The following PTPRD variants were observed in gnomAD, a reference collection of about 807,000 sequenced individuals.
PTPRD encodes protein tyrosine phosphatase receptor type D, also known as receptor-type tyrosine-protein phosphatase delta.
Under a neutral mutation model 214.5 loss-of-function variants are expected in PTPRD, and 34 were observed. The observed-to-expected ratio is 0.16, with a 90% CI of 0.12 to 0.21. The LOEUF is 0.21. Among genes scored for constraint, PTPRD ranks in the 10% least tolerant of loss-of-function variants. The pLI is 1.00. For missense variants in PTPRD, 2,545 were observed against 2,398.7 expected, an observed-to-expected ratio of 1.06 and a Z score of -1.27; for synonymous variants, 1,128 against 845.7, an observed-to-expected ratio of 1.33 and a Z score of -5.79.
At chr9:9,950,843 C>G (rs528111667) in intron 4 of PTPRD, among the ~76,000 whole-genome samples, 18 of 151,592 alleles carry the variant, frequency 1.2e-4, no homozygotes, top group Non-Finnish European at 2.4e-4. Flanking sequence ...TTTTCCTTCC[C>G]TCATTCCTAT....
intron 8 of PTPRD, among the ~76,000 whole-genome samples, chr9:9,464,808 G>A (rs542748804): frequency 1.1e-4 from 17 of 152,000 alleles, no homozygotes; most frequent in African/African-American, 3.9e-4. Flanking sequence ...AGTGTTTTGT[G>A]TCCTTTCTTA....
In PTPRD at chr9:9,024,334, C is replaced by CTTAGTTTTTTTT. The variant is rs1169168298; in HGVS notation, c.-142-5600_-142-5599insAAAAAAAACTAA. Among the ~76,000 whole-genome samples, 14 of 72,736 alleles carry CTTAGTTTTTTTT rather than the reference C, an allele frequency of 1.9e-4. 1 individual carries two copies. Among genetic ancestry groups the CTTAGTTTTTTTT allele is most frequent in the African/African-American group, 5.8e-4 (12 of 20,576 alleles). The allele number at this position is 72,736 out of a possible 152,430, so 47.7% of individuals were successfully genotyped here. Reference sequence around the variant, plus strand: ...CCTGTCGAAAAGGCTATTGTCGATTCTTTGTTTTTTTTTGTTTGTTTTTTT... The same window carrying CTTAGTTTTTTTT: ...CCTGTCGAAAAGGCTATTGTCGATTCTTAGTTTTTTTTTTTGTTTTTTTTTGTTTGTTTTTTT... On this transcript the variant is annotated intron_variant, in intron 10 of 45. Coordinates refer to ENST00000381196, the MANE Select transcript of PTPRD (RefSeq NM_002839.4).
intron 5 of PTPRD, among the ~76,000 whole-genome samples, chr9:9,921,415 G>C (rs1277432601): frequency 6.6e-6 from 1 of 151,778 alleles, no homozygotes; most frequent in African/African-American, 2.4e-5. Flanking sequence ...ATGAATAGCA[G>C]TATCTCAAAA....
intron 9 of PTPRD, among the ~76,000 whole-genome samples, chr9:9,376,613 C>G (rs1596626456): frequency 6.6e-6 from 1 of 151,924 alleles, no homozygotes; most frequent in Non-Finnish European, 1.5e-5. Flanking sequence ...CACTGAAGAG[C>G]TTTAAGATAT....
intron 10 of PTPRD, among the ~76,000 whole-genome samples, chr9:9,164,867 A>G (rs900855353): frequency 1.3e-5 from 2 of 149,550 alleles, no homozygotes; most frequent in Admixed American, 6.6e-5. Flanking sequence ...AAACAAAACA[A>G]AACAAAACAA....
chr9:9,345,934 T>A (rs1381371016), intron 9 of PTPRD, among the ~76,000 whole-genome samples: 1 of 152,204 alleles, frequency 6.6e-6, no homozygotes, highest in Non-Finnish European at 1.5e-5. Flanking sequence ...TATTTCAATG[T>A]ACTTCTTTAT....
chr9:9,650,549 G>T (rs1438522398), intron 7 of PTPRD, among the ~76,000 whole-genome samples: 2 of 152,008 alleles, frequency 1.3e-5, no homozygotes, highest in African/African-American at 4.8e-5. Context: ...GGCAGGTTTT[G>T]GTATCAGGAT....
intron 11 of PTPRD, among the ~76,000 whole-genome samples, chr9:8,811,054 G>C (rs1055879446): frequency 1.3e-5 from 2 of 152,200 alleles, no homozygotes; most frequent in African/African-American, 4.8e-5. Flanking sequence ...TCAGCATTCA[G>C]AGAATCACCA....
chr9:9,446,330 A>C (rs2090391987), intron 8 of PTPRD, among the ~76,000 whole-genome samples: 1 of 152,268 alleles, frequency 6.6e-6, no homozygotes, highest in South Asian at 2.1e-4. Context: ...TTCACAGATA[A>C]AACAAGGAAG....
chr9:8,734,915 G>A (rs527720815), intron 11 of PTPRD, among the ~76,000 whole-genome samples: 4 of 152,240 alleles, frequency 2.6e-5, no homozygotes, highest in Non-Finnish European at 5.9e-5. Context: ...ACAAGATGAC[G>A]AAAAGGCATT....
At chr9:9,969,969 A>G (rs1171351654) in intron 4 of PTPRD, among the ~76,000 whole-genome samples, 1 of 152,106 alleles carries the variant, frequency 6.6e-6, no homozygotes, top group Non-Finnish European at 1.5e-5. Flanking sequence ...CCACTCCTTT[A>G]TGATTCAAGA....
intron 14 of PTPRD, among the ~76,000 whole-genome samples, chr9:8,573,147 C>A (rs1216368664): frequency 6.6e-6 from 1 of 151,928 alleles, no homozygotes; most frequent in African/African-American, 2.4e-5. Flanking sequence ...ATTGCTACTT[C>A]TAAAGCCCTA....
chr9:8,583,059 C>A (rs1019053246), intron 14 of PTPRD, among the ~76,000 whole-genome samples: 2 of 152,162 alleles, frequency 1.3e-5, no homozygotes, highest in Non-Finnish European at 2.9e-5. Flanking sequence ...TGGTCCCCAA[C>A]CGTTTTGGCC....
chr9:10,402,858 C>T (rs1042905231), intron 2 of PTPRD, among the ~76,000 whole-genome samples: 4 of 151,550 alleles, frequency 2.6e-5, no homozygotes, highest in African/African-American at 9.7e-5. Context: ...GTCTTTATTG[C>T]CTTGAAGCCT....
chr9:9,388,854 G>A (rs761448593), intron 9 of PTPRD, among the ~76,000 whole-genome samples: 10 of 152,082 alleles, frequency 6.6e-5, no homozygotes, highest in Non-Finnish European at 8.8e-5. Context: ...CTGAGATAAT[G>A]AGTATAAGGG....
At chr9:9,644,195 G>A (rs752222342) in intron 7 of PTPRD, among the ~76,000 whole-genome samples, 4 of 152,074 alleles carry the variant, frequency 2.6e-5, no homozygotes, top group African/African-American at 7.2e-5. Context: ...ATGCATTGTC[G>A]TAGCCTTATC....
chr9:9,109,246 T>C (rs1242865123), intron 10 of PTPRD, among the ~76,000 whole-genome samples: 4 of 152,196 alleles, frequency 2.6e-5, no homozygotes, highest in Non-Finnish European at 5.9e-5. Flanking sequence ...TATATCTATG[T>C]AGAGATTAGC....
At chr9:8,726,044 C>G (rs62528778) in intron 12 of PTPRD, among the ~76,000 whole-genome samples, 2 of 146,330 alleles carry the variant, frequency 1.4e-5, no homozygotes, top group Non-Finnish European at 3.0e-5. Context: ...CACACACACA[C>G]ACACACACAC....
intron 3 of PTPRD, among the ~76,000 whole-genome samples, chr9:10,104,546 T>C (rs1457652014): frequency 6.6e-6 from 1 of 151,770 alleles, no homozygotes; most frequent in African/African-American, 2.4e-5. Flanking sequence ...AAAATAACTA[T>C]AATGGGATTG....
Sources: gnomAD v4.1 joint callset for allele counts (sites outside exome capture counted in the v4.1 genomes callset) on GRCh38, gnomAD v4.1.1 for gene constraint, MANE v1.5 for transcripts, NCBI Gene and HGNC (gene_info 2026-07-23, HGNC 2026-07-21) for gene names.